Variants in RFC1 observed in about 807,000 individuals in gnomAD.
RFC1 encodes the protein A1 140 kDa subunit.
In RFC1, 37 loss-of-function variants were observed where a neutral mutation model predicts 137.4. That is an observed-to-expected ratio of 0.27 (90% CI 0.21 to 0.35). The LOEUF is 0.35. Ranked by LOEUF, RFC1 falls within the 10% of genes least tolerant of loss-of-function variation. The pLI is 1.00. For synonymous variants in RFC1, 429 were observed against 455.7 expected (o/e 0.94, Z 0.75); for missense variants, 1,205 against 1,358.5 (o/e 0.89, Z 1.78).
intron 1 of RFC1, among the ~76,000 whole-genome samples, chr4:39,361,326 T>C (rs972845904): frequency 2.0e-5 from 3 of 151,946 alleles, no homozygotes; most frequent in African/African-American, 7.3e-5. Context: ...GAGGCGGAGG[T>C]TGCAGTGAGC....
intron 15 of RFC1, among the ~76,000 whole-genome samples, chr4:39,303,888 T>C (rs1738499648): frequency 6.6e-6 from 1 of 152,244 alleles, no homozygotes; most frequent in South Asian, 2.1e-4. Context: ...TAATGAAATA[T>C]ATAGGATGCT....
intron 4 of RFC1, among the ~76,000 whole-genome samples, chr4:39,329,984 A>G (rs2109695976): frequency 6.6e-6 from 1 of 152,172 alleles, no homozygotes; most frequent in South Asian, 2.1e-4. Context: ...CAGTGAGCTG[A>G]GATTGCACCA....
Position 39,308,826 on chromosome 4 carries a change from A to G in RFC1, c.1695T>C (p.Gly565=). The G allele has an allele frequency of 6.2e-7, 1 of 1,614,078 alleles. No homozygotes were observed. Residue 565 remains glycine, a synonymous_variant, in exon 13 of 25, where the codon GGT becomes GGC. Coordinates refer to ENST00000349703, the MANE Select transcript of RFC1 (RefSeq NM_002913.5). ...CAGCCAAATTCCTAGCCTTGCTGTCACCACTTGTCTCCTCAGCCACCTGCT... is the reference window on the plus strand; with the variant it reads ...CAGCCAAATTCCTAGCCTTGCTGTCGCCACTTGTCTCCTCAGCCACCTGCT... The part of the protein sequence containing the change: ...FKEQVAEETS[G]DSKARNLADD...
chr4:39,313,012 G>T, intron 10 of RFC1, 81 bp from the exon 11 acceptor site: 1 of 1,201,964 alleles, frequency 8.3e-7, no homozygotes, highest in Non-Finnish European at 1.2e-6. Context: ...ACTGCAGGAA[G>T]TTGATTTTTC....
At chr4:39,307,007 G>A (rs1738703884) in intron 13 of RFC1, among the ~76,000 whole-genome samples, 2 of 152,124 alleles carry the variant, frequency 1.3e-5, no homozygotes, top group South Asian at 4.1e-4. Flanking sequence ...CGCTGCCGGG[G>A]CTCGATCCCA....
Position 39,288,839 on chromosome 4 carries a change from C to G in RFC1, c.3366G>C (p.Lys1122Asn), listed in dbSNP as rs1164773602. 6.9e-6 allele frequency: 11 copies of G among 1,604,406 alleles called. No individual in the cohort carries two copies. Among genetic ancestry groups the G allele is most frequent in the Admixed American group, 3.4e-5 (2 of 59,472 alleles). The change falls in exon 25 of 25, where the codon AAG becomes AAC. Residue 1122 changes from lysine to asparagine, a missense_variant. Physicochemically the swap from Lys to Asn is moderately conservative, Grantham distance 94 (BLOSUM62 0). Around this residue, in one of 3 missense-constraint regions of RFC1, gnomAD observed 237 missense variants for 304.2 expected, o/e 0.78. Coordinates refer to ENST00000349703, the MANE Select transcript of RFC1 (RefSeq NM_002913.5). Reference sequence around the variant, plus strand: ...GTTTTGAAGGCTTTGAAGATTTTGTCTTTTTCTGTTAGGGGGAAGATAACA... The same window carrying G: ...GTTTTGAAGGCTTTGAAGATTTTGTGTTTTTCTGTTAGGGGGAAGATAACA... ...AIETDAMIKK[K>N]TKSSKPSKPE... is the part of the protein sequence containing the mutation.
chr4:39,316,442 C>T (rs140781809), intron 10 of RFC1, among the ~76,000 whole-genome samples: 1,978 of 152,240 alleles, frequency 0.013, 24 homozygotes, highest in Middle Eastern at 0.034. Context: ...CAGACCACCA[C>T]GCCATCACAA....
chr4:39,345,537 T>C (rs2109739578), intron 2 of RFC1, 61 bp from the exon 3 acceptor site: 2 of 1,371,124 alleles, frequency 1.5e-6, no homozygotes, highest in Middle Eastern at 2.5e-4. Context: ...TTTTTTTTTT[T>C]TGAGACGGAG....
intron 4 of RFC1, 104 bp from the exon 5 acceptor site, chr4:39,327,860 G>C: frequency 1.2e-6 from 1 of 864,892 alleles, no homozygotes; most frequent in South Asian, 1.9e-5. Context: ...GGCTAGACAT[G>C]GTGGCTCATG....
rs956624478 is a variant in RFC1, at chr4:39,295,598, G to C, written c.2954+16C>G. The C allele has an allele frequency of 6.3e-7, 1 of 1,582,926 alleles. No individual in the cohort carries two copies. The highest frequency in any genetic ancestry group is 8.6e-7 in the Non-Finnish European group (1 of 1,161,890). On this transcript the variant is annotated intron_variant, in intron 22 of 24. Transcript: ENST00000349703. ...CCAAATCGATAAAATACCCGAAACAGAGTAATCCCACCTACCTGAGACTCA... is the reference window on the plus strand; with the variant it reads ...CCAAATCGATAAAATACCCGAAACACAGTAATCCCACCTACCTGAGACTCA...
chr4:39,292,494 TA>T (rs1737731078), intron 22 of RFC1, among the ~76,000 whole-genome samples: 1 of 152,198 alleles, frequency 6.6e-6, no homozygotes, highest in African/African-American at 2.4e-5. Flanking sequence ...CTTTCTCTCT[TA>T]AATGTTGTCA....
rs1011794192 is a variant in RFC1 at position 39,345,584 on chromosome 4, G to T, written c.133-108C>A. 7 of 804,302 alleles carry T rather than the reference G, an allele frequency of 8.7e-6. No individual in the cohort carries two copies. The East Asian group carries it at 2.0e-4, about 23-fold the overall frequency. 49.8% of individuals were successfully genotyped at this position (804,302 alleles called of 1,614,324 possible). On this transcript the variant is annotated intron_variant, in intron 2 of 24. Coordinates refer to ENST00000349703, the MANE Select transcript of RFC1 (RefSeq NM_002913.5). ...CATCCAGGCTGGAGCGCAGTGGCAC[G>T]ATCTCGGCTCACTGCAAGCTCCGCC...
rs115998109 is a variant in RFC1 at position 39,357,016 on chromosome 4, T to C, written c.4-5540A>G. On this transcript the variant is annotated intron_variant, in intron 1 of 24. Coordinates refer to ENST00000349703, the MANE Select transcript of RFC1 (RefSeq NM_002913.5). ...CAAGAAATATTTACTCAGAGCCTTT[T>C]ATGGACCAAGAACTATTTTTGATGC... Among the ~76,000 whole-genome samples the C allele has an allele frequency of 4.5e-3, 684 of 152,358 alleles. 4 individuals are homozygous for C. The highest frequency in any genetic ancestry group is 7.7e-3 in the Non-Finnish European group (521 of 68,034).
chr4:39,333,485 G>A (rs191468301), intron 4 of RFC1, among the ~76,000 whole-genome samples: 13 of 151,864 alleles, frequency 8.6e-5, no homozygotes, highest in South Asian at 2.1e-4. Context: ...TGCTGAAATC[G>A]GGGAAATTTT....
chr4:39,322,247 A>C (rs1739555874), intron 7 of RFC1: 1 of 152,078 alleles, frequency 6.6e-6, no homozygotes, highest in African/African-American at 2.4e-5. Flanking sequence ...CTCTACAAAA[A>C]ACACAAAATT....
In RFC1 at chr4:39,312,909, C is replaced by T. The variant is rs762425047; in HGVS notation, c.1226G>A (p.Gly409Asp). ...IPKGAENCLE[G>D]LIFVITGVLE... Reference sequence around the variant, plus strand: ...CACGCCTGTGATTACAAATATAAGGCCTTCCAAGCAATTTTCAGCTCCCTA... The same window carrying T: ...CACGCCTGTGATTACAAATATAAGGTCTTCCAAGCAATTTTCAGCTCCCTA... The change falls in exon 11 of 25, where the codon GGC becomes GAC. Residue 409 changes from glycine (G) to aspartate (D), a missense_variant. Around this residue, in one of 3 missense-constraint regions of RFC1, gnomAD observed 962 missense variants for 1,035.3 expected, o/e 0.93. Transcript: ENST00000349703. The T allele has an allele frequency of 1.5e-5, 24 of 1,611,670 alleles. No homozygotes were observed. In the East Asian group the frequency reaches 5.1e-4, roughly 34 times the overall value.
chr4:39,308,555 T>TA (rs1347059035), intron 13 of RFC1, 81 bp downstream of exon 13: 19 of 1,510,902 alleles, frequency 1.3e-5, no homozygotes, highest in South Asian at 9.2e-5. Context: ...AATGAATCGT[T>TA]AGATTTTCTC....
chr4:39,366,182 C>T (rs1473596614), intron 1 of RFC1, 57 bp downstream of exon 1: 2 of 1,544,134 alleles, frequency 1.3e-6, no homozygotes, highest in Non-Finnish European at 1.8e-6. Context: ...CCGGTCCACA[C>T]CAGGCCTGCA....
At chr4:39,305,977 G>C (rs1337909612) in intron 14 of RFC1, among the ~76,000 whole-genome samples, 1 of 152,194 alleles carries the variant, frequency 6.6e-6, no homozygotes, top group African/African-American at 2.4e-5. Flanking sequence ...GCAGAGGATT[G>C]AGAAATCCAG....
Sources: allele counts gnomAD v4.1 joint callset (sites outside exome capture counted in the v4.1 genomes callset), GRCh38; gene constraint gnomAD v4.1.1; regional missense constraint gnomAD v4.1.1; transcripts MANE v1.5; gene names NCBI Gene and HGNC (gene_info 2026-07-23, HGNC 2026-07-21).